Variants in TAOK1 observed in about 807,000 individuals in gnomAD.
The protein encoded by TAOK1 is serine/threonine-protein kinase TAO1.
Under a neutral mutation model 138.3 loss-of-function variants are expected in TAOK1, and 21 were observed. That is an observed-to-expected ratio of 0.15 (90% CI 0.11 to 0.22). The LOEUF (loss-of-function observed/expected upper bound fraction) is 0.22. Among genes scored for constraint, TAOK1 ranks in the 10% least tolerant of loss-of-function variants. TAOK1 has a pLI of 1.00. For synonymous variants in TAOK1, 361 were observed against 398.4 expected (o/e 0.91, Z 1.12); for missense variants, 651 against 1,227.7 (o/e 0.53, Z 7.02).
At chr17:29,522,677 G>A (rs1452579302) in intron 17 of TAOK1, among the ~76,000 whole-genome samples, 158 bp downstream of exon 17, 12 of 152,166 alleles carry the variant, frequency 7.9e-5, no homozygotes. Flanking sequence ...AATGCCTGTT[G>A]CTACAGTCTT....
At chr17:29,518,376 C>G (rs990925448) in intron 16 of TAOK1, among the ~76,000 whole-genome samples, 1 of 152,126 alleles carries the variant, frequency 6.6e-6, no homozygotes, top group Admixed American at 6.5e-5. Flanking sequence ...TGCCAGCTAC[C>G]TGGGAGGCTG....
intron 1 of TAOK1, among the ~76,000 whole-genome samples, chr17:29,422,660 C>T (rs1234853952): frequency 6.6e-6 from 1 of 152,172 alleles, no homozygotes; most frequent in East Asian, 1.9e-4. Flanking sequence ...AGTGGTATCA[C>T]CTCTTTAATT....
In TAOK1 at chr17:29,547,574, A is replaced by G. The variant is rs536490836; in HGVS notation, c.*4552A>G. 6.6e-6 allele frequency: 1 copy of G among 152,250 alleles called. No homozygotes were observed. The highest frequency in any genetic ancestry group is 2.4e-5 in the African/African-American group (1 of 41,568). The allele number at this position is 152,250 out of a possible 1,614,324, so 9.4% of individuals were successfully genotyped here. ...TCAAAAAATAATATATTTAAGGTAT[A>G]TAAGTGTGAATCTCCTATAATGATG... On this transcript the variant is annotated 3_prime_UTR_variant, in exon 20 of 20. Transcript: ENST00000261716.
intron 16 of TAOK1, among the ~76,000 whole-genome samples, chr17:29,520,183 GA>G (rs535870675): frequency 0.061 from 4,306 of 70,172 alleles, 193 homozygotes; most frequent in African/African-American, 0.18. Context: ...TCTGTCTGAA[GA>G]AAAAAAAAAA....
rs1423182636 is a variant in TAOK1 at position 29,548,571 on chromosome 17, A to G, written c.*5549A>G. On this transcript the variant is annotated 3_prime_UTR_variant, in exon 20 of 20. Transcript: ENST00000261716. ...GGTAGTTTGTCATGAAAAAGTGGAG[A>G]GAAGATGAGACTTTTGAATGAATGA... is the stretch of plus-strand genomic sequence containing the variant. The G allele has an allele frequency of 6.6e-6, 1 of 152,088 alleles. No homozygotes were observed. The highest frequency in any genetic ancestry group is 1.5e-5 in the Non-Finnish European group (1 of 67,984). 9.4% of individuals were successfully genotyped at this position (152,088 alleles called of 1,614,324 possible).
At chr17:29,470,273 A>G (rs1408249040) in intron 3 of TAOK1, among the ~76,000 whole-genome samples, 1 of 152,172 alleles carries the variant, frequency 6.6e-6, no homozygotes, top group Non-Finnish European at 1.5e-5. Flanking sequence ...GTTTAACTGT[A>G]TTTCCTGATA....
intron 3 of TAOK1, among the ~76,000 whole-genome samples, chr17:29,470,215 A>G (rs1218500935): frequency 6.6e-6 from 1 of 152,190 alleles, no homozygotes; most frequent in African/African-American, 2.4e-5. Context: ...TATGTTTAGG[A>G]TGTGGCCTAA....
intron 1 of TAOK1, among the ~76,000 whole-genome samples, chr17:29,416,813 C>T (rs115502880): frequency 1.1e-3 from 165 of 152,118 alleles, no homozygotes; most frequent in African/African-American, 3.9e-3. Flanking sequence ...ATCTTCAGGG[C>T]AGGGTTATCT....
chr17:29,455,910 G>C (rs2030366223), intron 2 of TAOK1, among the ~76,000 whole-genome samples: 1 of 150,208 alleles, frequency 6.7e-6, no homozygotes, highest in Admixed American at 6.6e-5. Context: ...ATTTGTAAGA[G>C]ATGCTGGTCT....
chr17:29,482,054 A>G, intron 7 of TAOK1, 143 bp from the exon 8 acceptor site: 1 of 577,520 alleles, frequency 1.7e-6, no homozygotes, highest in East Asian at 2.9e-5. Flanking sequence ...TAATGCACTT[A>G]GTTCCCGTTA....
At chr17:29,428,670 G>A (rs1167966931) in intron 1 of TAOK1, among the ~76,000 whole-genome samples, 1 of 152,110 alleles carries the variant, frequency 6.6e-6, no homozygotes, top group African/African-American at 2.4e-5. Flanking sequence ...AGATCTGGCT[G>A]TTACTCAGGC....
intron 1 of TAOK1, among the ~76,000 whole-genome samples, chr17:29,403,322 T>C (rs1415356121): frequency 6.6e-6 from 1 of 152,130 alleles, no homozygotes; most frequent in Non-Finnish European, 1.5e-5. Flanking sequence ...CCATTGAGGC[T>C]GAGAAAGAGG....
rs527621475 is a variant in TAOK1 at position 29,392,151 on chromosome 17, G to C, written c.-95+1127G>C. On this transcript the variant is annotated intron_variant, in intron 1 of 19. Coordinates refer to ENST00000261716, the MANE Select transcript of TAOK1 (RefSeq NM_020791.4). ...GAATCGCTTGAACCCGGGAGGCGGA[G>C]GTTGCAGTGAGGCGAGATGGTGCCA... 3.3e-5 allele frequency among the ~76,000 whole-genome samples: 5 copies of C among 152,260 alleles called. No homozygotes were observed. In the East Asian group the frequency reaches 5.8e-4, roughly 18 times the overall value.
chr17:29,531,686 C>G (rs959917735), intron 18 of TAOK1, among the ~76,000 whole-genome samples: 7 of 151,450 alleles, frequency 4.6e-5, no homozygotes, highest in African/African-American at 1.5e-4. Context: ...TCACCTGAAC[C>G]CCGGGGGCAG....
chr17:29,391,435 C>A (rs910588848), intron 1 of TAOK1, among the ~76,000 whole-genome samples: 1 of 152,162 alleles, frequency 6.6e-6, no homozygotes, highest in African/African-American at 2.4e-5. Context: ...GTGGATTCCA[C>A]CCCCTAGCAC....
intron 7 of TAOK1, 70 bp downstream of exon 7, chr17:29,480,551 A>G (rs2031039033): frequency 1.5e-6 from 2 of 1,329,610 alleles, no homozygotes; most frequent in East Asian, 4.9e-5. Flanking sequence ...ATACAAATGA[A>G]GTGTAAGGTA....
intron 2 of TAOK1, among the ~76,000 whole-genome samples, chr17:29,453,809 G>GT (rs532165582): frequency 0.046 from 5,506 of 120,144 alleles, 355 homozygotes; most frequent in African/African-American, 0.15. Flanking sequence ...AGGTTTTTTT[G>GT]TTTTTTTTTT....
chr17:29,440,822 C>T (rs554839096), intron 1 of TAOK1, among the ~76,000 whole-genome samples: 83 of 152,222 alleles, frequency 5.5e-4, no homozygotes, highest in African/African-American at 1.8e-3. Flanking sequence ...GTGATCTGGC[C>T]ACCTTGGCCT....
chr17:29,434,935 G>A (rs186651007), intron 1 of TAOK1, among the ~76,000 whole-genome samples: 3 of 152,106 alleles, frequency 2.0e-5, no homozygotes, highest in East Asian at 1.9e-4. Flanking sequence ...CTGTGGAACC[G>A]AGTCCTCCTC....
Sources: gnomAD v4.1 joint callset for allele counts (sites outside exome capture counted in the v4.1 genomes callset) on GRCh38, gnomAD v4.1.1 for gene constraint, MANE v1.5 for transcripts, NCBI Gene and HGNC (gene_info 2026-07-23, HGNC 2026-07-21) for gene names.